The following CLIP1 variants were observed in gnomAD, a reference collection of about 807,000 sequenced individuals.
CLIP1 encodes the protein CAP-Gly domain containing linker protein 1.
CLIP1 carries 66 observed loss-of-function variants against 161.6 expected under a neutral mutation model. The ratio of observed to expected loss-of-function variants is 0.41; its 90% CI spans 0.33 to 0.50. The LOEUF (loss-of-function observed/expected upper bound fraction) is 0.50. Among genes scored for constraint, CLIP1 ranks in the 20% least tolerant of loss-of-function variants. The pLI is 0.27. For missense variants in CLIP1, 1,376 were observed against 1,702.0 expected (o/e 0.81, Z 3.37); for synonymous variants, 598 against 626.2 (o/e 0.96, Z 0.67).
At chr12:122,407,216 A>G (rs1289786716) in intron 1 of CLIP1, among the ~76,000 whole-genome samples, 3 of 152,208 alleles carry the variant, frequency 2.0e-5, no homozygotes, top group Non-Finnish European at 4.4e-5. Flanking sequence ...GACTGTAGCA[A>G]TCTAGTTCAA....
rs150162566 is a variant in CLIP1, at chr12:122,413,348, T to C, written c.-107+9173A>G. ...TTAGAATCGGGGGGAAAAAGACTTA[T>C]TATATTGCCTCCCTTTATACATCAA... On this transcript the variant is annotated intron_variant, in intron 1 of 25. Coordinates refer to ENST00000620786, the MANE Select transcript of CLIP1 (RefSeq NM_001247997.2). Among the ~76,000 whole-genome samples, 17 of 152,310 alleles carry C rather than the reference T, an allele frequency of 1.1e-4. No homozygotes were observed. In the East Asian group the frequency reaches 2.9e-3, roughly 26 times the overall value.
Position 122,288,056 on chromosome 12 carries a change from G to A in CLIP1, c.3647+433C>T, listed in dbSNP as rs544453688. On this transcript the variant is annotated intron_variant, in intron 21 of 25. Transcript: ENST00000620786. The stretch of plus-strand genomic sequence containing the variant: ...TCTTTTTCTTTTTTTTTTTTGAGAC[G>A]GAGTCTCTCACTGTTGCCCAGGCTG... 4.0e-5 allele frequency among the ~76,000 whole-genome samples: 6 copies of A among 150,424 alleles called. No individual in the cohort carries two copies. The South Asian group carries it at 8.4e-4, about 21-fold the overall frequency.
chr12:122,330,666 C>G (rs1279051491), intron 15 of CLIP1, among the ~76,000 whole-genome samples: 1 of 135,228 alleles, frequency 7.4e-6, no homozygotes, highest in Non-Finnish European at 1.5e-5. Flanking sequence ...ATGGTGCGAT[C>G]TGAGCTCACG....
At chr12:122,402,552 G>A (rs1956179505) in intron 1 of CLIP1, among the ~76,000 whole-genome samples, 1 of 152,120 alleles carries the variant, frequency 6.6e-6, no homozygotes, top group Non-Finnish European at 1.5e-5. Flanking sequence ...GAAGCACATG[G>A]ATCACTTGAG....
intron 1 of CLIP1, among the ~76,000 whole-genome samples, chr12:122,389,602 T>C (rs970529174): frequency 6.6e-6 from 1 of 151,562 alleles, no homozygotes. Context: ...CTACTAAACA[T>C]ACAAAAATTA....
intron 20 of CLIP1, among the ~76,000 whole-genome samples, chr12:122,296,852 A>G (rs1950485681): frequency 1.5e-5 from 2 of 135,140 alleles, no homozygotes; most frequent in Admixed American, 7.4e-5. Flanking sequence ...TGACAAAGTG[A>G]GACTACCTCA....
Position 122,332,938 on chromosome 12 carries a change from C to T in CLIP1, c.2867+49G>A, listed in dbSNP as rs562518783. 9.4e-5 allele frequency: 143 copies of T among 1,518,138 alleles called. No individual in the cohort carries two copies. In the East Asian group the frequency reaches 2.4e-3, roughly 26 times the overall value. The allele number at this position is 1,518,138 out of a possible 1,614,324, so 94.0% of individuals were successfully genotyped here. On this transcript the variant is annotated intron_variant, in intron 15 of 25. Coordinates refer to ENST00000620786, the MANE Select transcript of CLIP1 (RefSeq NM_001247997.2). ...TGTCTCCCCTCCCACCTAGAGCTTG[C>T]CGCAGAGCCTAACCTAAGGTCAGCA...
chr12:122,395,173 G>C (rs1297134876), intron 1 of CLIP1, among the ~76,000 whole-genome samples: 1 of 152,154 alleles, frequency 6.6e-6, no homozygotes, highest in Non-Finnish European at 1.5e-5. Flanking sequence ...AGCAAATAGA[G>C]CTACTGACTA....
chr12:122,363,635 C>T (rs1953987635), intron 4 of CLIP1, among the ~76,000 whole-genome samples: 1 of 152,056 alleles, frequency 6.6e-6, no homozygotes, highest in Non-Finnish European at 1.5e-5. Flanking sequence ...AGGTGGCTAC[C>T]TTCTGCCCCC....
chr12:122,361,089 T>G lies in CLIP1; in HGVS notation c.875A>C (p.Lys292Thr). Residue 292 changes from lysine (K) to threonine (T), a missense_variant, in exon 5 of 26, where the codon AAG becomes ACG. This residue lies in a region of CLIP1 where 211 missense variants were observed against 295.1 expected (regional missense o/e 0.72). Transcript: ENST00000620786. ...GFPSTTPAKA[K>T]ANAVRRVMAT... is the part of the protein sequence containing the mutation. ...CATCACTCGCCTCACTGCGTTGGCC[T>G]TGGCTTTGGCTGGTGTAGTGGAAGG... 2 of 1,614,260 alleles carry G rather than the reference T, an allele frequency of 1.2e-6. No individual in the cohort carries two copies. Among genetic ancestry groups the G allele is most frequent in the Non-Finnish European group, 1.7e-6 (2 of 1,180,046 alleles).
intron 21 of CLIP1, 28 bp downstream of exon 21, chr12:122,288,461 C>A: frequency 6.3e-7 from 1 of 1,583,210 alleles, no homozygotes; most frequent in Non-Finnish European, 8.6e-7. Context: ...TAAACACACA[C>A]ACATACAACA....
At chr12:122,297,258 G>A (rs897845161) in intron 20 of CLIP1, among the ~76,000 whole-genome samples, 14 of 152,110 alleles carry the variant, frequency 9.2e-5, no homozygotes, top group African/African-American at 2.9e-4. Context: ...ATAGTAGCTC[G>A]GGTGAAATGA....
chr12:122,329,394 C>T (rs1028197585), intron 15 of CLIP1, among the ~76,000 whole-genome samples: 46 of 151,366 alleles, frequency 3.0e-4, no homozygotes, highest in African/African-American at 1.1e-3. Context: ...TTTGGGAGGC[C>T]GATGGGGGGG....
At chr12:122,362,499 G>A (rs970108479) in intron 4 of CLIP1, among the ~76,000 whole-genome samples, 1 of 150,742 alleles carries the variant, frequency 6.6e-6, no homozygotes, top group Non-Finnish European at 1.5e-5. Context: ...AAATTATCTG[G>A]GCGTGGTGGT....
rs184888349 is a variant in CLIP1, at chr12:122,334,751, G to A, written c.2569-46C>T. The A allele has an allele frequency of 2.1e-5, 25 of 1,208,540 alleles. No individual in the cohort carries two copies. In the African/African-American group the frequency reaches 3.3e-4, roughly 16 times the overall value. 74.9% of individuals were successfully genotyped at this position (1,208,540 alleles called of 1,614,324 possible). The stretch of plus-strand genomic sequence containing the variant: ...ATTCTGAACAGAAAGATTTCAAATT[G>A]TAAAGACAAGAAGTTTCTATCAATT... On this transcript the variant is annotated intron_variant, in intron 12 of 25. Coordinates refer to ENST00000620786, the MANE Select transcript of CLIP1 (RefSeq NM_001247997.2).
At chr12:122,287,332 G>A (rs1010412250) in intron 21 of CLIP1, among the ~76,000 whole-genome samples, 3 of 152,186 alleles carry the variant, frequency 2.0e-5, no homozygotes, top group African/African-American at 4.8e-5. Flanking sequence ...ACAGTGCTGC[G>A]TAAAACATAC....
intron 15 of CLIP1, among the ~76,000 whole-genome samples, chr12:122,331,911 C>T (rs1162584384): frequency 6.6e-6 from 1 of 151,992 alleles, no homozygotes; most frequent in Non-Finnish European, 1.5e-5. Context: ...AGGAGAATCG[C>T]TTGAACCTGG....
intron 1 of CLIP1, among the ~76,000 whole-genome samples, chr12:122,386,087 A>C (rs1386374138): frequency 6.6e-6 from 1 of 152,158 alleles, no homozygotes; most frequent in Non-Finnish European, 1.5e-5. Flanking sequence ...GGAGTTCGAG[A>C]CCAGCCTGGC....
intron 15 of CLIP1, among the ~76,000 whole-genome samples, chr12:122,330,067 A>C (rs1431321753): frequency 6.6e-6 from 1 of 152,204 alleles, no homozygotes; most frequent in African/African-American, 2.4e-5. Flanking sequence ...CGGTGACCCA[A>C]GATCACACCA....
Sources: gnomAD v4.1 joint callset for allele counts (sites outside exome capture counted in the v4.1 genomes callset) on GRCh38, gnomAD v4.1.1 for gene constraint, gnomAD v4.1.1 regional missense constraint, MANE v1.5 for transcripts, NCBI Gene and HGNC (gene_info 2026-07-23, HGNC 2026-07-21) for gene names.